HELZ: variants seen among roughly 807,000 people sequenced by gnomAD.
HELZ encodes helicase with zinc finger, also known as ATP-dependent RNA helicase with zinc finger domain.
In HELZ, 23 loss-of-function variants were observed where a neutral mutation model predicts 218.2. The ratio of observed to expected loss-of-function variants is 0.11; its 90% CI spans 0.08 to 0.15. HELZ has a LOEUF of 0.15. Ranked by LOEUF, HELZ falls within the 10% of genes least tolerant of loss-of-function variation. HELZ has a pLI of 1.00. For synonymous variants in HELZ, 814 were observed against 829.4 expected (o/e 0.98, Z 0.32); for missense variants, 1,813 against 2,353.7 (o/e 0.77, Z 4.75).
chr17:67,228,288 T>C (rs1373745392), intron 3 of HELZ, among the ~76,000 whole-genome samples: 1 of 152,200 alleles, frequency 6.6e-6, no homozygotes, highest in African/African-American at 2.4e-5. Flanking sequence ...AAACAAAAAT[T>C]TGTATCAGAA....
intron 6 of HELZ, among the ~76,000 whole-genome samples, chr17:67,201,945 T>A (rs574972706): frequency 6.6e-6 from 1 of 152,150 alleles, no homozygotes; most frequent in Non-Finnish European, 1.5e-5. Flanking sequence ...TGCACAATAA[T>A]TCCTTAGAAA....
Position 67,107,397 on chromosome 17 carries a change from A to C in HELZ, c.5013T>G (p.Pro1671=). ...PFSLPSEHLA[P]PPLKYLAPDG... Reference sequence around the variant, plus strand: ...CAGGTGCCAGGTATTTCAAGGGAGGAGGGGCAAGGTGTTCAGATGGCAACG... The same window carrying C: ...CAGGTGCCAGGTATTTCAAGGGAGGCGGGGCAAGGTGTTCAGATGGCAACG... Residue 1671 remains proline (P), a synonymous_variant, in exon 31 of 33, where the codon CCT becomes CCG. Transcript: ENST00000358691. The C allele has an allele frequency of 6.2e-7, 1 of 1,614,102 alleles. No individual in the cohort carries two copies. Among genetic ancestry groups the C allele is most frequent in the Non-Finnish European group, 8.5e-7 (1 of 1,180,020 alleles).
At chr17:67,229,980 T>C (rs188493323) in intron 3 of HELZ, among the ~76,000 whole-genome samples, 1 of 152,340 alleles carries the variant, frequency 6.6e-6, no homozygotes, top group African/African-American at 2.4e-5. Flanking sequence ...TCTCTTAAAT[T>C]TTAGAATAAG....
At position 67,109,419 on chromosome 17, in the gene HELZ, G is replaced by T. The variant is rs199548324; in HGVS notation, c.4186C>A (p.Pro1396Thr). ...TGCTGGACTACCTGATTTGGCTGAG[G>T]TGGTATCTGATTTGGTTGTTCAGGC... ...NLPEQPNQIPPQPNQVVQQQS... is the reference protein window; with the variant it reads ...NLPEQPNQIPTQPNQVVQQQS... Residue 1396 changes from proline to threonine, a missense_variant, in exon 29 of 33, where the codon CCT (proline) becomes ACT (threonine). By Grantham distance (38) the Pro-to-Thr change is conservative. This residue lies in a region of HELZ where 938 missense variants were observed against 1,027.5 expected (regional missense o/e 0.91). Transcript: ENST00000358691. 41 of 1,614,192 alleles carry T rather than the reference G, an allele frequency of 2.5e-5. No individual in the cohort carries two copies. The East Asian group carries it at 8.7e-4, about 34-fold the overall frequency.
chr17:67,198,453 T>C (rs2040087182), intron 7 of HELZ, among the ~76,000 whole-genome samples: 1 of 152,204 alleles, frequency 6.6e-6, no homozygotes, highest in Non-Finnish European at 1.5e-5. Context: ...TTCCAAAGTG[T>C]TGTGTTTGTT....
At position 67,222,503 on chromosome 17, in the gene HELZ, C is replaced by A. The variant is rs140727913; in HGVS notation, c.-18-3681G>T. ...TGAGAGGAAATGACTCAATTTACGACCCTTCCTCAGAAGTGGATATCTACC... is the reference window on the plus strand; with the variant it reads ...TGAGAGGAAATGACTCAATTTACGAACCTTCCTCAGAAGTGGATATCTACC... On this transcript the variant is annotated intron_variant, in intron 3 of 32. Transcript: ENST00000358691. Among the ~76,000 whole-genome samples, 739 of 152,274 alleles carry A rather than the reference C, an allele frequency of 4.9e-3. 4 individuals carry two copies. Among genetic ancestry groups the A allele is most frequent in the Non-Finnish European group, 8.0e-3 (546 of 68,032 alleles).
At chr17:67,234,534 T>C (rs2041128400) in intron 3 of HELZ, among the ~76,000 whole-genome samples, 1 of 151,806 alleles carries the variant, frequency 6.6e-6, no homozygotes, top group South Asian at 2.1e-4. Context: ...ATCATACTCA[T>C]CCTTACTCTA....
chr17:67,175,688 A>G (rs2144206087), intron 13 of HELZ, among the ~76,000 whole-genome samples: 1 of 152,346 alleles, frequency 6.6e-6, no homozygotes, highest in African/African-American at 2.4e-5. Flanking sequence ...AATTTAATTT[A>G]CCAGCCTTCA....
intron 3 of HELZ, among the ~76,000 whole-genome samples, chr17:67,219,898 C>T (rs1276830432): frequency 2.0e-5 from 3 of 152,194 alleles, no homozygotes; most frequent in Admixed American, 2.0e-4. Context: ...CTAGCTATAA[C>T]ACTCATGGCA....
rs529077544 is a variant in HELZ at position 67,083,804 on chromosome 17, C to G, written c.5494+3025G>C. Reference sequence around the variant, plus strand: ...ACCCTCTGCAGTGCAACTGGGTCACCCCCTTAATTGCACAGAATCTAGTTT... The same window carrying G: ...ACCCTCTGCAGTGCAACTGGGTCACGCCCTTAATTGCACAGAATCTAGTTT... On this transcript the variant is annotated intron_variant, in intron 32 of 32. Coordinates refer to ENST00000358691, the MANE Select transcript of HELZ (RefSeq NM_014877.4). 7.5e-4 allele frequency among the ~76,000 whole-genome samples: 115 copies of G among 152,326 alleles called. 1 individual carries two copies. Among genetic ancestry groups the G allele is most frequent in the Non-Finnish European group, 1.9e-4 (13 of 68,030 alleles).
chr17:67,244,878 T>C, intron 1 of HELZ: 1 of 985,574 alleles, frequency 1.0e-6, no homozygotes, highest in Non-Finnish European at 1.2e-6. Flanking sequence ...AGGCCCCCTC[T>C]CCTGCCAGGG....
intron 23 of HELZ, among the ~76,000 whole-genome samples, chr17:67,129,825 T>C (rs921342852): frequency 9.9e-5 from 15 of 152,108 alleles, no homozygotes; most frequent in African/African-American, 2.7e-4. Context: ...AGACAACATA[T>C]AAAGTTTTTA....
Position 67,245,191 on chromosome 17 carries a change from C to T in HELZ, c.-175G>A. The stretch of plus-strand genomic sequence containing the variant: ...CCATCTTGGATCCACTTGTCAACGT[C>T]CCCACAAAGCATTATGGGTAAGAAA... On this transcript the variant is annotated 5_prime_UTR_variant, in exon 1 of 33. Transcript: ENST00000358691. 2.0e-6 allele frequency: 2 copies of T among 985,416 alleles called. No individual in the cohort carries two copies. Among genetic ancestry groups the T allele is most frequent in the Non-Finnish European group, 2.4e-6 (2 of 829,906 alleles). 61.0% of individuals were successfully genotyped at this position (985,416 alleles called of 1,614,324 possible).
chr17:67,132,403 C>A (rs2038015799), intron 23 of HELZ, among the ~76,000 whole-genome samples: 2 of 152,224 alleles, frequency 1.3e-5, no homozygotes, highest in South Asian at 4.1e-4. Context: ...TAGCCTCCTG[C>A]CATTCCGTGC....
At chr17:67,103,279 G>T (rs1450077760) in intron 31 of HELZ, among the ~76,000 whole-genome samples, 5 of 151,938 alleles carry the variant, frequency 3.3e-5, no homozygotes, top group African/African-American at 1.2e-4. Context: ...GCAAGAAAAA[G>T]AAATAAAAGG....
chr17:67,168,906 A>G (rs2039229468), intron 13 of HELZ, among the ~76,000 whole-genome samples: 1 of 152,198 alleles, frequency 6.6e-6, no homozygotes, highest in South Asian at 2.1e-4. Context: ...AGCCTGGCCA[A>G]CATGGTGAAA....
Position 67,218,610 on chromosome 17 carries a change from G to C in HELZ, c.195C>G (p.Ala65=). ...IKIESLLYRI[A]SFLQLKNYVQ... ...GTTTACTCACCAGTTGCAAAAATGA[G>C]GCAATTCTGTAGAGAAGACTCTCGA... The change falls in exon 4 of 33, where the codon GCC becomes GCG. Residue 65 remains alanine, a synonymous_variant. Coordinates refer to ENST00000358691, the MANE Select transcript of HELZ (RefSeq NM_014877.4). 1 of 1,613,994 alleles carries C rather than the reference G, an allele frequency of 6.2e-7. No individual in the cohort carries two copies. The highest frequency in any genetic ancestry group is 1.1e-5 in the South Asian group (1 of 91,076).
At position 67,076,207 on chromosome 17, in the gene HELZ, A is replaced by C. The variant is rs2036014541; in HGVS notation, c.*2045T>G. 1 of 152,192 alleles carries C rather than the reference A, an allele frequency of 6.6e-6. No individual in the cohort carries two copies. Among genetic ancestry groups the C allele is most frequent in the Non-Finnish European group, 1.5e-5 (1 of 68,066 alleles). The allele number at this position is 152,192 out of a possible 1,614,324, so 9.4% of individuals were successfully genotyped here. A position where few individuals can be genotyped will look rare whatever the true frequency, so the allele number is the denominator to read the frequency against. ...GGGGGTGGATAATCACTGATGGGAA[A>C]ATTATTTTCCATAACATCCTCACAT... is the stretch of plus-strand genomic sequence containing the variant. On this transcript the variant is annotated 3_prime_UTR_variant, in exon 33 of 33. Coordinates refer to ENST00000358691, the MANE Select transcript of HELZ (RefSeq NM_014877.4).
rs1161858899 is a variant in HELZ, at chr17:67,076,232, T to C, written c.*2020A>G. On this transcript the variant is annotated 3_prime_UTR_variant, in exon 33 of 33. Transcript: ENST00000358691. ...AATTATTTTCCATAACATCCTCACA[T>C]CAGAGAGATCTAATTTTCATTCGGA... The C allele has an allele frequency of 6.6e-6, 1 of 152,224 alleles. No homozygotes were observed. The highest frequency in any genetic ancestry group is 1.5e-5 in the Non-Finnish European group (1 of 68,050). 9.4% of individuals were successfully genotyped at this position (152,224 alleles called of 1,614,324 possible). A position where few individuals can be genotyped will look rare whatever the true frequency, so the allele number is the denominator to read the frequency against.
Sources: allele counts gnomAD v4.1 joint callset (sites outside exome capture counted in the v4.1 genomes callset), GRCh38; gene constraint gnomAD v4.1.1; regional missense constraint gnomAD v4.1.1; transcripts MANE v1.5; gene names NCBI Gene and HGNC (gene_info 2026-07-23, HGNC 2026-07-21).